SFSWAP: variants seen among roughly 807,000 people sequenced by gnomAD.
SFSWAP encodes the protein splicing factor SWAP.
In SFSWAP, 17 loss-of-function variants were observed where a neutral mutation model predicts 100.7. The observed-to-expected ratio is 0.17, with a 90% confidence interval of 0.12 to 0.25. The LOEUF (loss-of-function observed/expected upper bound fraction) is 0.25, where lower values mean the gene tolerates loss of function less well. Ranked by LOEUF, SFSWAP falls within the 10% of genes least tolerant of loss-of-function variation. The pLI is 1.00. For synonymous variants in SFSWAP, 504 were observed against 510.1 expected (o/e 0.99, Z 0.16); for missense variants, 1,005 against 1,262.6 (o/e 0.80, Z 3.09).
intron 7 of SFSWAP, among the ~76,000 whole-genome samples, chr12:131,745,604 G>T (rs1881031182): frequency 1.3e-5 from 2 of 152,278 alleles, no homozygotes; most frequent in African/African-American, 4.8e-5. Context: ...ACCTCTCCTG[G>T]GGTGCAGGTC....
chr12:131,754,581 A>T, intron 9 of SFSWAP, 82 bp downstream of exon 9: 1 of 934,168 alleles, frequency 1.1e-6, no homozygotes, highest in African/African-American at 1.7e-5. Context: ...GTAGGTACAG[A>T]ATTAATTTTT....
intron 11 of SFSWAP, among the ~76,000 whole-genome samples, chr12:131,762,869 GATTAC>G (rs1457860294): frequency 6.6e-6 from 1 of 152,178 alleles, no homozygotes; most frequent in Non-Finnish European, 1.5e-5. Flanking sequence ...AAAGTGCTGG[GATTAC>G]AGGCGTAAGC....
At chr12:131,737,943 ACTTGT>A (rs1298226560) in intron 7 of SFSWAP, among the ~76,000 whole-genome samples, 4 of 152,056 alleles carry the variant, frequency 2.6e-5, no homozygotes, top group African/African-American at 9.7e-5. Context: ...ATTTTTCATT[ACTTGT>A]CTTCTGCTAT....
At chr12:131,745,822 A>G (rs1363503281) in intron 7 of SFSWAP, among the ~76,000 whole-genome samples, 38 of 151,138 alleles carry the variant, frequency 2.5e-4, no homozygotes, top group Admixed American at 2.5e-3. Context: ...TGGAATTGCC[A>G]TGAAAACAAT....
chr12:131,756,019 T>C (rs1326920749), intron 10 of SFSWAP, among the ~76,000 whole-genome samples: 3 of 152,230 alleles, frequency 2.0e-5, no homozygotes, highest in Admixed American at 6.5e-5. Context: ...TTCTCAGTTA[T>C]ATAGACACCC....
rs116366239 is a variant in SFSWAP, at chr12:131,734,041, C to G, written c.1081+5613C>G. Among the ~76,000 whole-genome samples the G allele has an allele frequency of 0.013, 1,912 of 152,324 alleles. 46 individuals carry two copies. The highest frequency in any genetic ancestry group is 0.042 in the African/African-American group (1,758 of 41,578). ...ATCATTTGGGAACTATTCTTCTGTC[C>G]TAGGTGAGTGCCCACCCTGTGGCAC... On this transcript the variant is annotated intron_variant, in intron 7 of 17. Coordinates refer to ENST00000261674, the MANE Select transcript of SFSWAP (RefSeq NM_004592.4). The surrounding 1 kb of genome is among the most constrained non-coding windows in gnomAD (Gnocchi z 4.9).
intron 7 of SFSWAP, among the ~76,000 whole-genome samples, chr12:131,731,195 C>T (rs573312521): frequency 1.3e-5 from 2 of 152,320 alleles, no homozygotes; most frequent in South Asian, 4.1e-4. Flanking sequence ...CTCAGGCGCT[C>T]AGCCTTATGG....
intron 13 of SFSWAP, among the ~76,000 whole-genome samples, chr12:131,774,906 ATTAG>A (rs1322825355): frequency 1.3e-5 from 2 of 152,120 alleles, no homozygotes; most frequent in Non-Finnish European, 2.9e-5. Context: ...AATGACAGGC[ATTAG>A]TTAGGATAAA....
In SFSWAP at chr12:131,781,943, G is replaced by T. The variant is rs928403705; in HGVS notation, c.2408+3613G>T. On this transcript the variant is annotated intron_variant, in intron 14 of 17. Transcript: ENST00000261674. ...GATTGTCTAGCAAGTTCTACCGTGG[G>T]TGCTGGCCCCTGGCATTGGTTCCCC... Among the ~76,000 whole-genome samples, 6 of 152,330 alleles carry T rather than the reference G, an allele frequency of 3.9e-5. No homozygotes were observed. In the East Asian group the frequency reaches 1.2e-3, roughly 29 times the overall value.
rs1489819035 is a variant in SFSWAP at position 131,725,386 on chromosome 12, T to C, written c.607-19T>C. The stretch of plus-strand genomic sequence containing the variant: ...CAAGAGGACAAATGGGTGACGTGAA[T>C]ATGTGTGTTTTCCCGTAGCCACCAA... On this transcript the variant is annotated intron_variant, in intron 4 of 17. Transcript: ENST00000261674. The surrounding 1 kb of genome is among the most constrained non-coding windows in gnomAD (Gnocchi z 4.3). 1 of 1,448,476 alleles carries C rather than the reference T, an allele frequency of 6.9e-7. No homozygotes were observed. Among genetic ancestry groups the C allele is most frequent in the Admixed American group, 1.9e-5 (1 of 51,518 alleles). 89.7% of individuals were successfully genotyped at this position (1,448,476 alleles called of 1,614,324 possible).
chr12:131,775,151 A>G (rs920994825), intron 13 of SFSWAP, among the ~76,000 whole-genome samples: 2 of 152,210 alleles, frequency 1.3e-5, no homozygotes, highest in Non-Finnish European at 2.9e-5. Flanking sequence ...AAATTAGTGC[A>G]GTGATTTTGT....
At chr12:131,729,656 G>A (rs1879319288) in intron 7 of SFSWAP, among the ~76,000 whole-genome samples, 2 of 152,198 alleles carry the variant, frequency 1.3e-5, no homozygotes, top group African/African-American at 2.4e-5. Context: ...AGTGTTTGAC[G>A]TTGGTTCCAG....
intron 15 of SFSWAP, among the ~76,000 whole-genome samples, chr12:131,787,676 CA>C (rs1239247687): frequency 1.3e-5 from 2 of 152,142 alleles, no homozygotes; most frequent in African/African-American, 4.8e-5. Context: ...CTTACATTGC[CA>C]GGATCACCCA....
chr12:131,725,694 G>C lies in SFSWAP; in HGVS notation c.832+64G>C. 2.4e-6 allele frequency: 3 copies of C among 1,233,508 alleles called. No homozygotes were observed. The highest frequency in any genetic ancestry group is 1.3e-5 in the South Asian group (1 of 77,850). The allele number at this position is 1,233,508 out of a possible 1,614,324, so 76.4% of individuals were successfully genotyped here. On this transcript the variant is annotated intron_variant, in intron 5 of 17. Coordinates refer to ENST00000261674, the MANE Select transcript of SFSWAP (RefSeq NM_004592.4). This position sits in a 1 kb window ranked among gnomAD's most constrained non-coding sequence, Gnocchi z 4.3. The stretch of plus-strand genomic sequence containing the variant: ...CTGTGTTGTGGGGGCGGCAGGCTGG[G>C]TGGTTCTGGGAAAAGTGTGAAGATA...
At chr12:131,773,415 C>G (rs1283503504) in intron 13 of SFSWAP, among the ~76,000 whole-genome samples, 1 of 152,192 alleles carries the variant, frequency 6.6e-6, no homozygotes, top group African/African-American at 2.4e-5. Flanking sequence ...TCACAGCTCA[C>G]TGCAGCCTTG....
intron 13 of SFSWAP, among the ~76,000 whole-genome samples, chr12:131,769,404 C>T (rs1883396976): frequency 6.6e-6 from 1 of 152,148 alleles, no homozygotes; most frequent in South Asian, 2.1e-4. Flanking sequence ...AATTGAAAGA[C>T]ATTCACAGGA....
chr12:131,755,625 T>C lies in SFSWAP; in HGVS notation c.1548+146T>C, dbSNP rs953481661. 26 of 619,306 alleles carry C rather than the reference T, an allele frequency of 4.2e-5. No homozygotes were observed. The Admixed American group carries it at 7.7e-4, about 18-fold the overall frequency. 38.4% of individuals were successfully genotyped at this position (619,306 alleles called of 1,614,324 possible). A position where few individuals can be genotyped will look rare whatever the true frequency, so the allele number is the denominator to read the frequency against. Reference sequence around the variant, plus strand: ...TTTAATGTGTGTCTGGCATACTCCATCTTTCACGTCCCCCTTAGCTCTGGA... The same window carrying C: ...TTTAATGTGTGTCTGGCATACTCCACCTTTCACGTCCCCCTTAGCTCTGGA... On this transcript the variant is annotated intron_variant, in intron 10 of 17. Coordinates refer to ENST00000261674, the MANE Select transcript of SFSWAP (RefSeq NM_004592.4).
chr12:131,752,638 C>T (rs1185755307), intron 7 of SFSWAP, among the ~76,000 whole-genome samples: 2 of 152,176 alleles, frequency 1.3e-5, no homozygotes, highest in African/African-American at 2.4e-5. Flanking sequence ...GGATGGTTTC[C>T]GGATTAACGT....
chr12:131,750,884 G>C (rs1183636573), intron 7 of SFSWAP, among the ~76,000 whole-genome samples: 1 of 144,306 alleles, frequency 6.9e-6, no homozygotes, highest in Admixed American at 7.0e-5. Context: ...TTGGAGATGG[G>C]GTCTGATGGT....
Sources: allele counts gnomAD v4.1 joint callset (sites outside exome capture counted in the v4.1 genomes callset), GRCh38; gene constraint gnomAD v4.1.1; non-coding constraint Gnocchi (gnomAD v3.1); transcripts MANE v1.5; gene names NCBI Gene and HGNC (gene_info 2026-07-23, HGNC 2026-07-21).